Variants in DCDC2C observed in about 807,000 individuals in gnomAD.
The protein encoded by DCDC2C is doublecortin domain-containing protein 2C.
Under a neutral mutation model 45.0 loss-of-function variants are expected in DCDC2C, and 44 were observed. The ratio of observed to expected loss-of-function variants is 0.98; its 90% CI spans 0.77 to 1.26. The LOEUF (loss-of-function observed/expected upper bound fraction) is 1.26. Among genes scored for constraint, DCDC2C ranks in the 50% most tolerant of loss-of-function variants. The probability of loss-of-function intolerance (pLI) is 0.00; values close to 1 mark genes in which losing one functional copy is unlikely to be tolerated. For synonymous variants in DCDC2C, 187 were observed against 178.8 expected (o/e 1.05, Z -0.37); for missense variants, 447 against 468.9 (o/e 0.95, Z 0.43).
chr2:3,847,480 T>C lies in DCDC2C; in HGVS notation c.*297T>C, dbSNP rs1672361640. On this transcript the variant is annotated 3_prime_UTR_variant, in exon 11 of 11. Transcript: ENST00000399143. ...TGAGAAGAATTTGAAAAAACGTGTG[T>C]ATATTTTCCCCTCATGATATTTTTT... The C allele has an allele frequency of 4.0e-6, 1 of 246,914 alleles. No homozygotes were observed. Among genetic ancestry groups the C allele is most frequent in the Non-Finnish European group, 7.7e-6 (1 of 130,208 alleles). The allele number at this position is 246,914 out of a possible 1,614,324, so 15.3% of individuals were successfully genotyped here. A position where few individuals can be genotyped will look rare whatever the true frequency, so the allele number is the denominator to read the frequency against.
intron 10 of DCDC2C, among the ~76,000 whole-genome samples, chr2:3,786,691 C>T (rs1255460380): frequency 1.5e-5 from 2 of 131,854 alleles, no homozygotes; most frequent in African/African-American, 5.6e-5. Flanking sequence ...ACGGAGCCTC[C>T]GGTGCGGGTG....
At chr2:3,725,035 C>A (rs964613076) in intron 2 of DCDC2C, among the ~76,000 whole-genome samples, 1 of 151,980 alleles carries the variant, frequency 6.6e-6, no homozygotes, top group East Asian at 1.9e-4. Context: ...GGATTAGCAG[C>A]GTTAGGTGTG....
rs142318438 is a variant in DCDC2C at position 3,732,993 on chromosome 2, A to T, written c.416+5914A>T. 2.0e-3 allele frequency among the ~76,000 whole-genome samples: 302 copies of T among 152,314 alleles called. 1 individual carries two copies. Among genetic ancestry groups the T allele is most frequent in the African/African-American group, 6.8e-3 (282 of 41,572 alleles). On this transcript the variant is annotated intron_variant, in intron 3 of 10. Coordinates refer to ENST00000399143, the MANE Select transcript of DCDC2C (RefSeq NM_001287444.2). ...TTGCTTGTGTAATTTTGCTAGTGAA[A>T]TGTGATCTTTCATTAGAAATTATAG...
At chr2:3,819,013 C>A (rs1671624075) in intron 10 of DCDC2C, among the ~76,000 whole-genome samples, 1 of 152,092 alleles carries the variant, frequency 6.6e-6, no homozygotes, top group South Asian at 2.1e-4. Flanking sequence ...GCTATGGAAG[C>A]AAGGGAAACA....
chr2:3,803,450 T>A (rs1336085484), intron 10 of DCDC2C, among the ~76,000 whole-genome samples: 1 of 152,248 alleles, frequency 6.6e-6, no homozygotes, highest in Non-Finnish European at 1.5e-5. Context: ...TGGGTGGGTT[T>A]ACCCTGAAGA....
rs551719224 is a variant in DCDC2C at position 3,782,826 on chromosome 2, A to G, written c.1024-2233A>G. Among the ~76,000 whole-genome samples the G allele has an allele frequency of 1.1e-4, 17 of 152,326 alleles. No homozygotes were observed. The South Asian group carries it at 3.3e-3, about 30-fold the overall frequency. On this transcript the variant is annotated intron_variant, in intron 9 of 10. Coordinates refer to ENST00000399143, the MANE Select transcript of DCDC2C (RefSeq NM_001287444.2). ...TTTGTTTGGACTCATTGGTTCTAAAACATCTTATGTGCAAGCAGCACTGTT... is the reference window on the plus strand; with the variant it reads ...TTTGTTTGGACTCATTGGTTCTAAAGCATCTTATGTGCAAGCAGCACTGTT...
At chr2:3,755,711 T>TA (rs1415199345) in intron 6 of DCDC2C, among the ~76,000 whole-genome samples, 2 of 151,884 alleles carry the variant, frequency 1.3e-5, no homozygotes, top group East Asian at 3.9e-4. Context: ...GTTGTATGGA[T>TA]ATGTTGCCTG....
intron 1 of DCDC2C, among the ~76,000 whole-genome samples, chr2:3,706,327 C>T (rs1443476317): frequency 2.0e-5 from 3 of 152,140 alleles, no homozygotes; most frequent in Non-Finnish European, 4.4e-5. Context: ...TATCCAATAT[C>T]CAGCCATTAC....
intron 1 of DCDC2C, among the ~76,000 whole-genome samples, chr2:3,705,635 C>T (rs956930770): frequency 4.0e-4 from 61 of 152,216 alleles, no homozygotes; most frequent in African/African-American, 1.3e-3. Context: ...GCACCTGCCA[C>T]GAAGCCTGGA....
chr2:3,781,478 A>G (rs180709716), intron 9 of DCDC2C, among the ~76,000 whole-genome samples: 51 of 152,360 alleles, frequency 3.3e-4, no homozygotes, highest in Admixed American at 3.9e-4. Flanking sequence ...TCAGTTGCCT[A>G]TGATGAAGTT....
At chr2:3,746,169 G>A (rs1022758657) in intron 4 of DCDC2C, among the ~76,000 whole-genome samples, 4 of 152,168 alleles carry the variant, frequency 2.6e-5, no homozygotes, top group African/African-American at 7.2e-5. Context: ...GAGGAAACAC[G>A]TCATGTGAGC....
intron 6 of DCDC2C, among the ~76,000 whole-genome samples, chr2:3,759,293 A>G (rs1174630891): frequency 1.3e-5 from 2 of 152,186 alleles, no homozygotes; most frequent in Non-Finnish European, 1.5e-5. Context: ...TTTATGTACA[A>G]GCATGCTATG....
intron 8 of DCDC2C, among the ~76,000 whole-genome samples, chr2:3,776,455 G>A (rs767600732): frequency 6.6e-5 from 10 of 152,158 alleles, no homozygotes; most frequent in African/African-American, 1.4e-4. Context: ...CCCAGTTCTC[G>A]TCACACGGGA....
chr2:3,835,761 C>G (rs568937825), intron 10 of DCDC2C, among the ~76,000 whole-genome samples: 4 of 148,470 alleles, frequency 2.7e-5, no homozygotes, highest in African/African-American at 7.4e-5. Context: ...TTTTTTTTTT[C>G]GAGACAGCAT....
intron 4 of DCDC2C, among the ~76,000 whole-genome samples, chr2:3,747,800 A>G (rs1359884378): frequency 6.6e-6 from 1 of 152,242 alleles, no homozygotes; most frequent in East Asian, 1.9e-4. Flanking sequence ...CAGGGCAGAC[A>G]CTGTCTAGTG....
chr2:3,735,434 C>T lies in DCDC2C; in HGVS notation c.417-6486C>T, dbSNP rs375421564. Among the ~76,000 whole-genome samples the T allele has an allele frequency of 5.9e-5, 9 of 151,882 alleles. No homozygotes were observed. The East Asian group carries it at 1.4e-3, about 23-fold the overall frequency. The stretch of plus-strand genomic sequence containing the variant: ...CCCCTGCCCCCCACCCCACAACAGT[C>T]CCTGGTGTGTGATGTTCCCCTTCCT... On this transcript the variant is annotated intron_variant, in intron 3 of 10. Transcript: ENST00000399143.
chr2:3,780,106 C>T (rs537604093), intron 9 of DCDC2C, among the ~76,000 whole-genome samples: 7 of 152,186 alleles, frequency 4.6e-5, no homozygotes, highest in African/African-American at 9.6e-5. Flanking sequence ...GACTGTCAGA[C>T]GAAGAGCAAA....
At chr2:3,820,718 G>A (rs1215798780) in intron 10 of DCDC2C, among the ~76,000 whole-genome samples, 1 of 152,168 alleles carries the variant, frequency 6.6e-6, no homozygotes, top group Non-Finnish European at 1.5e-5. Flanking sequence ...AGATTGGAGG[G>A]TAGCAAGAGA....
At chr2:3,773,217 G>A (rs1049093871) in intron 8 of DCDC2C, among the ~76,000 whole-genome samples, 9 of 147,864 alleles carry the variant, frequency 6.1e-5, no homozygotes, top group African/African-American at 2.0e-4. Context: ...TGGTTGTGGC[G>A]TGAATTATCG....
Sources: gnomAD v4.1 joint callset for allele counts (sites outside exome capture counted in the v4.1 genomes callset) on GRCh38, gnomAD v4.1.1 for gene constraint, MANE v1.5 for transcripts, NCBI Gene and HGNC (gene_info 2026-07-23, HGNC 2026-07-21) for gene names.